PACC1: variants seen among roughly 807,000 people sequenced by gnomAD.
PACC1 encodes proton activated chloride channel 1, also known as proton-activated chloride channel.
A neutral mutation model predicts 39.7 loss-of-function variants in PACC1; 34 were observed. The observed-to-expected ratio is 0.86, with a 90% CI of 0.65 to 1.14. The LOEUF (loss-of-function observed/expected upper bound fraction) is 1.14. Ranked by LOEUF, PACC1 falls within the 50% of genes most tolerant of loss-of-function variation. PACC1 has a pLI of 0.00. For missense variants in PACC1, 379 were observed against 436.4 expected, an observed-to-expected ratio of 0.87 and a Z score of 1.17; for synonymous variants, 127 against 160.6, an observed-to-expected ratio of 0.79 and a Z score of 1.58.
At chr1:212,370,976 A>G (rs557908456) in intron 7 of PACC1, among the ~76,000 whole-genome samples, 1 of 152,194 alleles carries the variant, frequency 6.6e-6, no homozygotes, top group Non-Finnish European at 1.5e-5. Context: ...GGCCGGGCGC[A>G]GTGGCTCACA....
At chr1:212,414,132 GGGA>G in intron 1 of PACC1, 3 of 1,472,812 alleles carry the variant, frequency 2.0e-6, no homozygotes, top group East Asian at 5.0e-5. Context: ...ATAAAGTCGT[GGGA>G]GGAGGTGAGA....
chr1:212,373,668 T>A lies in PACC1; in HGVS notation c.891+1525A>T, dbSNP rs189654193. ...CTCAATAGCAAAAAAAGCCAAATAA[T>A]TCAATTTTAAAATGGGCAAGAGATC... On this transcript the variant is annotated intron_variant, in intron 7 of 7. Transcript: ENST00000261455. Among the ~76,000 whole-genome samples the A allele has an allele frequency of 2.6e-5, 4 of 152,168 alleles. No individual in the cohort carries two copies. In the East Asian group the frequency reaches 7.7e-4, roughly 29 times the overall value.
chr1:212,392,906 C>A (rs1352146165), intron 2 of PACC1, among the ~76,000 whole-genome samples: 2 of 151,598 alleles, frequency 1.3e-5, no homozygotes, highest in African/African-American at 2.4e-5. Flanking sequence ...TATATATGCA[C>A]CCAATACAGG....
At chr1:212,386,000 G>A (rs1287391591) in intron 3 of PACC1, among the ~76,000 whole-genome samples, 1 of 152,144 alleles carries the variant, frequency 6.6e-6, no homozygotes, top group African/African-American at 2.4e-5. Context: ...ACCAGACAGA[G>A]AAAGTAAAAC....
chr1:212,378,473 C>T (rs750219937), intron 5 of PACC1, among the ~76,000 whole-genome samples: 2 of 152,180 alleles, frequency 1.3e-5, no homozygotes, highest in South Asian at 2.1e-4. Context: ...GGAGGCAGCT[C>T]GCTGCATGTC....
intron 2 of PACC1, among the ~76,000 whole-genome samples, chr1:212,391,078 G>C (rs1180423513): frequency 6.6e-6 from 1 of 152,254 alleles, no homozygotes; most frequent in Non-Finnish European, 1.5e-5. Flanking sequence ...CTGTCTGACA[G>C]CTTTGAAGAG....
chr1:212,385,454 T>G (rs763949081), intron 3 of PACC1, 29 bp from the exon 4 acceptor site: 33 of 1,613,144 alleles, frequency 2.0e-5, no homozygotes, highest in Non-Finnish European at 2.7e-5. Context: ...AAAGCAAGTG[T>G]CAGAAATCAC....
At chr1:212,398,183 G>C (rs1661589607) in intron 2 of PACC1, among the ~76,000 whole-genome samples, 1 of 152,082 alleles carries the variant, frequency 6.6e-6, no homozygotes, top group Non-Finnish European at 1.5e-5. Context: ...CAAAAATAAA[G>C]ATCATAGAAC....
chr1:212,382,452 A>T (rs1023391506), intron 4 of PACC1, among the ~76,000 whole-genome samples: 3 of 152,246 alleles, frequency 2.0e-5, no homozygotes, highest in South Asian at 2.1e-4. Flanking sequence ...CAGGCTGGAA[A>T]GGTGGCAAAC....
intron 1 of PACC1, among the ~76,000 whole-genome samples, chr1:212,411,572 G>A (rs1355043227): frequency 1.3e-5 from 2 of 152,114 alleles, no homozygotes; most frequent in Admixed American, 6.6e-5. Flanking sequence ...TTAAGGAGGA[G>A]GGCAAGAGAG....
Position 212,414,847 on chromosome 1 carries a change from G to C in PACC1, c.-90C>G. Reference sequence around the variant, plus strand: ...GCGGCCGCTGCACCTGGACCTACCGGCTCCGCGAGGCGAAACCGGTCCGGA... The same window carrying C: ...GCGGCCGCTGCACCTGGACCTACCGCCTCCGCGAGGCGAAACCGGTCCGGA... On this transcript the variant is annotated 5_prime_UTR_variant, in exon 1 of 8. Transcript: ENST00000261455. The C allele has an allele frequency of 1.3e-6, 2 of 1,551,920 alleles. No homozygotes were observed. Among genetic ancestry groups the C allele is most frequent in the Non-Finnish European group, 8.8e-7 (1 of 1,132,800 alleles).
rs1345672371 is a variant in PACC1, at chr1:212,414,004, G to A, written c.36+718C>T. Reference sequence around the variant, plus strand: ...TGGGGGCCGAGAAGTGGAGGCGGAGGAGGAGAGCAGTTTCACTAATACAGC... The same window carrying A: ...TGGGGGCCGAGAAGTGGAGGCGGAGAAGGAGAGCAGTTTCACTAATACAGC... On this transcript the variant is annotated intron_variant, in intron 1 of 7. Transcript: ENST00000261455. 1 of 1,535,878 alleles carries A rather than the reference G, an allele frequency of 6.5e-7. No homozygotes were observed. Among genetic ancestry groups the A allele is most frequent in the Non-Finnish European group, 8.7e-7 (1 of 1,146,918 alleles).
rs1474271713 is a variant in PACC1, at chr1:212,365,255, T to C, written c.1013A>G (p.Tyr338Cys). The change falls in exon 8 of 8, where the codon TAC becomes TGC. Residue 338 changes from tyrosine (Y) to cysteine (C), a missense_variant. Coordinates refer to ENST00000261455, the MANE Select transcript of PACC1 (RefSeq NM_018252.3). Reference protein sequence around the residue: ...IKWMIKIRKRYLKRRGQATSH... With the variant: ...IKWMIKIRKRCLKRRGQATSH... The stretch of plus-strand genomic sequence containing the variant: ...CGTTGCCTGACCTCTTCTTTTAAGG[T>C]ATCTCTTTCTAATTTTGATCATCCA... 9.3e-6 allele frequency: 15 copies of C among 1,613,902 alleles called. No individual in the cohort carries two copies. Among genetic ancestry groups the C allele is most frequent in the Non-Finnish European group, 1.3e-5 (15 of 1,179,980 alleles).
At chr1:212,388,426 C>T (rs1341550988) in intron 2 of PACC1, among the ~76,000 whole-genome samples, 5 of 152,158 alleles carry the variant, frequency 3.3e-5, no homozygotes, top group African/African-American at 7.2e-5. Context: ...CTGTTATGGA[C>T]GAAACTGTAT....
intron 4 of PACC1, among the ~76,000 whole-genome samples, chr1:212,381,567 G>A (rs755589935): frequency 1.3e-5 from 2 of 152,008 alleles, no homozygotes; most frequent in Admixed American, 6.6e-5. Flanking sequence ...ATGTAGCCAC[G>A]TGATAAAGTT....
Position 212,386,938 on chromosome 1 carries a change from G to C in PACC1, c.296C>G (p.Pro99Arg), listed in dbSNP as rs1396263307. 1 of 1,614,214 alleles carries C rather than the reference G, an allele frequency of 6.2e-7. No homozygotes were observed. The highest frequency in any genetic ancestry group is 1.7e-5 in the Admixed American group (1 of 60,028). ...ITDFREKLKH[P>R]VMSVSYKEVD... ...TTCCTTGTAAGACACAGACATGACA[G>C]GGTGCTTGAGTTTCTCACGAAAGTC... The change falls in exon 3 of 8, where the codon CCT (proline) becomes CGT (arginine). Residue 99 changes from proline to arginine, a missense_variant. Physicochemically the swap from Pro to Arg is moderately radical, Grantham distance 103. Transcript: ENST00000261455. This position sits in a 1 kb window ranked among gnomAD's most constrained non-coding sequence, Gnocchi z 5.0.
chr1:212,381,695 GCACACACACACACACACA>G (rs58078220), intron 4 of PACC1, among the ~76,000 whole-genome samples: 1 of 122,758 alleles, frequency 8.1e-6, no homozygotes, highest in Non-Finnish European at 1.7e-5. Context: ...CACACACACT[GCACACACACACACACACA>G]CACACACACA....
intron 6 of PACC1, among the ~76,000 whole-genome samples, chr1:212,376,481 C>T (rs527258513): frequency 6.6e-6 from 1 of 152,174 alleles, no homozygotes; most frequent in African/African-American, 2.4e-5. Flanking sequence ...TCAGAAAATC[C>T]AGGGTAGATG....
chr1:212,387,488 A>C, intron 2 of PACC1: 1 of 214,432 alleles, frequency 4.7e-6, no homozygotes, highest in Non-Finnish European at 9.4e-6. Flanking sequence ...GCCCCAACCT[A>C]CCTCTCTGGC....
Sources: gnomAD v4.1 joint callset for allele counts (sites outside exome capture counted in the v4.1 genomes callset) on GRCh38, gnomAD v4.1.1 for gene constraint, Gnocchi (gnomAD v3.1) non-coding constraint, MANE v1.5 for transcripts, NCBI Gene and HGNC (gene_info 2026-07-23, HGNC 2026-07-21) for gene names.